Variants in SHC3 observed in about 807,000 individuals in gnomAD.
SHC3 encodes the protein SHC adaptor protein 3, also known as SHC-transforming protein 3.
Under a neutral mutation model 60.4 loss-of-function variants are expected in SHC3, and 15 were observed. That is an observed-to-expected ratio of 0.25 (90% CI 0.17 to 0.38). The LOEUF (loss-of-function observed/expected upper bound fraction) is 0.38, where lower values mean the gene tolerates loss of function less well. SHC3 is among the 10% of genes least tolerant of loss of function. The pLI is 1.00. For missense variants in SHC3, 677 were observed against 786.1 expected (o/e 0.86, Z 1.66); for synonymous variants, 294 against 325.9 (o/e 0.90, Z 1.05).
At chr9:89,151,849 A>C (rs1826550281) in intron 1 of SHC3, among the ~76,000 whole-genome samples, 1 of 152,160 alleles carries the variant, frequency 6.6e-6, no homozygotes, top group African/African-American at 2.4e-5. Flanking sequence ...AGGTGATTTT[A>C]ATTTTCTTCT....
At position 89,042,144 on chromosome 9, in the gene SHC3, G is replaced by A. The variant is rs375178263; in HGVS notation, c.1242C>T (p.His414=). The A allele has an allele frequency of 2.2e-5, 34 of 1,556,410 alleles. No homozygotes were observed. Among genetic ancestry groups the A allele is most frequent in the African/African-American group, 1.1e-4 (8 of 71,566 alleles). Residue 414 remains histidine, a synonymous_variant, in exon 10 of 12, where the codon CAC becomes CAT. Transcript: ENST00000375835. ...DIYSTPEGKL[H]VAPTGEAPTY... ...TGGGTGCTTCTCCCGTGGGGGCCAC[G>A]TGCAGTTTCCCTTCTGGCGTGCTGT...
intron 2 of SHC3, among the ~76,000 whole-genome samples, chr9:89,094,715 G>T (rs1297969582): frequency 6.6e-6 from 1 of 152,120 alleles, no homozygotes; most frequent in Non-Finnish European, 1.5e-5. Context: ...TGCAACAGAA[G>T]CCCTGCATAC....
intron 1 of SHC3, among the ~76,000 whole-genome samples, chr9:89,146,221 G>A (rs931208976): frequency 4.0e-5 from 6 of 151,354 alleles, no homozygotes; most frequent in Non-Finnish European, 5.9e-5. Flanking sequence ...GCTGGGGGTC[G>A]TGGTGGGTGC....
Position 89,018,699 on chromosome 9 carries a change from C to CTTTT in SHC3, c.1657-5128_1657-5125dup, listed in dbSNP as rs34145222. Reference sequence around the variant, plus strand: ...TTTTTTTTTCTTTCTTTCTTTCTTTCTTTTTTTTTTTTAAAGAAAACCCTC... The same window carrying CTTTT: ...TTTTTTTTTCTTTCTTTCTTTCTTTCTTTTTTTTTTTTTTTTAAAGAAAACCCTC... On this transcript the variant is annotated intron_variant, in intron 11 of 11. Transcript: ENST00000375835. Among the ~76,000 whole-genome samples, 19 of 137,470 alleles carry CTTTT rather than the reference C, an allele frequency of 1.4e-4. No homozygotes were observed. The South Asian group carries it at 1.4e-3, about 10-fold the overall frequency. The allele number at this position is 137,470 out of a possible 152,430, so 90.2% of individuals were successfully genotyped here. A position where few individuals can be genotyped will look rare whatever the true frequency, so the allele number is the denominator to read the frequency against.
chr9:89,038,062 G>C lies in SHC3; in HGVS notation c.1587C>G (p.Gly529=), dbSNP rs56005403. Residue 529 remains glycine (G), a synonymous_variant, in exon 11 of 12, where the codon GGC becomes GGG. Transcript: ENST00000375835. Reference sequence around the variant, plus strand: ...TGTGCATGCCCGTGAGGACAAAGGAGCCCGGGTTGGTGGTGCTCTTCCTGA... The same window carrying C: ...TGTGCATGCCCGTGAGGACAAAGGACCCCGGGTTGGTGGTGCTCTTCCTGA... ...FLVRKSTTNP[G]SFVLTGMHNG... The C allele has an allele frequency of 7.4e-6, 12 of 1,613,958 alleles. No homozygotes were observed. Among genetic ancestry groups the C allele is most frequent in the Middle Eastern group, 1.7e-4 (1 of 6,060 alleles).
chr9:89,050,535 C>T (rs1030646451), intron 7 of SHC3, among the ~76,000 whole-genome samples: 3 of 152,234 alleles, frequency 2.0e-5, no homozygotes, highest in African/African-American at 7.2e-5. Context: ...ATCCACCCGC[C>T]TTGGCCTCCC....
chr9:89,177,310 G>C (rs1225700761), intron 1 of SHC3, among the ~76,000 whole-genome samples: 1 of 152,174 alleles, frequency 6.6e-6, no homozygotes, highest in Non-Finnish European at 1.5e-5. Flanking sequence ...CAGCGCCCTA[G>C]TTCCCTTTTA....
chr9:89,150,258 G>A (rs940732405), intron 1 of SHC3, among the ~76,000 whole-genome samples: 3 of 152,080 alleles, frequency 2.0e-5, no homozygotes, highest in Non-Finnish European at 2.9e-5. Context: ...CCAGGGATAA[G>A]AGGAGATTAT....
chr9:89,151,582 T>G (rs558877501), intron 1 of SHC3, among the ~76,000 whole-genome samples: 21 of 152,238 alleles, frequency 1.4e-4, no homozygotes, highest in Non-Finnish European at 2.1e-4. Context: ...GGTATTTTTG[T>G]TATAGCAGCA....
rs1422591169 is a variant in SHC3, at chr9:89,017,446, T to C, written c.1657-3871A>G. ...GTGTTGGGAAAACTGGTTAGCCCTATGCAGAAAACAGAAACTGGACCCCTT... is the reference window on the plus strand; with the variant it reads ...GTGTTGGGAAAACTGGTTAGCCCTACGCAGAAAACAGAAACTGGACCCCTT... On this transcript the variant is annotated intron_variant, in intron 11 of 11. Transcript: ENST00000375835. Among the ~76,000 whole-genome samples the C allele has an allele frequency of 2.0e-5, 3 of 152,190 alleles. No individual in the cohort carries two copies. The South Asian group carries it at 6.2e-4, about 32-fold the overall frequency.
At chr9:89,024,645 GTAGT>G (rs1482265859) in intron 11 of SHC3, among the ~76,000 whole-genome samples, 3 of 152,232 alleles carry the variant, frequency 2.0e-5, no homozygotes, top group Non-Finnish European at 4.4e-5. Flanking sequence ...TACAAGTGAA[GTAGT>G]TAGTACAGTG....
intron 1 of SHC3, among the ~76,000 whole-genome samples, chr9:89,168,413 G>A (rs772153166): frequency 2.6e-5 from 4 of 151,986 alleles, no homozygotes; most frequent in African/African-American, 7.2e-5. Context: ...GCTGTGAGCC[G>A]AGATTGCACC....
chr9:89,039,323 G>A (rs1227856256), intron 10 of SHC3, among the ~76,000 whole-genome samples: 9 of 152,216 alleles, frequency 5.9e-5, no homozygotes, highest in East Asian at 1.9e-4. Flanking sequence ...TTAGTACAGC[G>A]TGGGCAGAAG....
chr9:89,106,005 A>G (rs976301353), intron 2 of SHC3, among the ~76,000 whole-genome samples: 1 of 152,208 alleles, frequency 6.6e-6, no homozygotes, highest in African/African-American at 2.4e-5. Flanking sequence ...TTTATTGAAC[A>G]TCCACTATGT....
At position 89,154,343 on chromosome 9, in the gene SHC3, A is replaced by G. The variant is rs1368215461; in HGVS notation, c.474+23644T>C. ...GATTTAGAGTTAAGTAAAGTTGTCC[A>G]TGTGTCCACAGAGTCCCAGTACCCG... On this transcript the variant is annotated intron_variant, in intron 1 of 11. Coordinates refer to ENST00000375835, the MANE Select transcript of SHC3 (RefSeq NM_016848.6). 5.3e-5 allele frequency among the ~76,000 whole-genome samples: 8 copies of G among 152,210 alleles called. No homozygotes were observed. The East Asian group carries it at 1.5e-3, about 29-fold the overall frequency.
chr9:89,103,767 T>C (rs1288343290), intron 2 of SHC3, among the ~76,000 whole-genome samples: 1 of 152,186 alleles, frequency 6.6e-6, no homozygotes, highest in Admixed American at 6.5e-5. Flanking sequence ...GTGAATCCCA[T>C]TTTAAACATG....
intron 6 of SHC3, among the ~76,000 whole-genome samples, chr9:89,059,054 G>T (rs1362442142): frequency 6.9e-6 from 1 of 144,610 alleles, no homozygotes; most frequent in African/African-American, 2.6e-5. Context: ...GTGGTGGAGG[G>T]CGGTGGTGGA....
intron 1 of SHC3, among the ~76,000 whole-genome samples, chr9:89,161,580 A>G (rs1043458626): frequency 4.6e-5 from 7 of 152,188 alleles, no homozygotes; most frequent in Non-Finnish European, 1.0e-4. Context: ...TGCCATAACA[A>G]ATATACCACA....
At chr9:89,027,842 G>T (rs1322904566) in intron 11 of SHC3, among the ~76,000 whole-genome samples, 1 of 152,138 alleles carries the variant, frequency 6.6e-6, no homozygotes, top group African/African-American at 2.4e-5. Context: ...CATGGCAGGG[G>T]AGTCTTGCAG....
Sources: gnomAD v4.1 joint callset for allele counts (sites outside exome capture counted in the v4.1 genomes callset) on GRCh38, gnomAD v4.1.1 for gene constraint, MANE v1.5 for transcripts, NCBI Gene and HGNC (gene_info 2026-07-23, HGNC 2026-07-21) for gene names.